The following PAPPA variants were observed in gnomAD, a reference collection of about 807,000 sequenced individuals.
The protein encoded by PAPPA is pappalysin-1.
In PAPPA, 60 loss-of-function variants were observed where a neutral mutation model predicts 164.0. The ratio of observed to expected loss-of-function variants is 0.37; its 90% CI spans 0.30 to 0.45. PAPPA has a LOEUF of 0.45. PAPPA is among the 20% of genes least tolerant of loss of function. PAPPA has a pLI of 1.00. For synonymous variants in PAPPA, 875 were observed against 814.1 expected, an observed-to-expected ratio of 1.07 and a Z score of -1.27; for missense variants, 1,782 against 2,087.3, an observed-to-expected ratio of 0.85 and a Z score of 2.85.
chr9:116,207,682 C>G, intron 3 of PAPPA, 81 bp downstream of exon 3: 1 of 1,080,308 alleles, frequency 9.3e-7, no homozygotes, highest in Middle Eastern at 2.2e-4. Flanking sequence ...TTGTTACGAT[C>G]ATGATGGTGG....
chr9:116,208,372 CTT>C (rs11356029), intron 3 of PAPPA, among the ~76,000 whole-genome samples: 1 of 151,902 alleles, frequency 6.6e-6, no homozygotes, highest in Non-Finnish European at 1.5e-5. Flanking sequence ...ATGCTATCTA[CTT>C]TTTTTTCCAT....
intron 2 of PAPPA, among the ~76,000 whole-genome samples, chr9:116,204,974 CT>C (rs1844214971): frequency 6.6e-6 from 1 of 152,040 alleles, no homozygotes; most frequent in African/African-American, 2.4e-5. Context: ...GATTTTCCCC[CT>C]GATATATTTG....
At chr9:116,365,829 G>A (rs988916155) in intron 18 of PAPPA, among the ~76,000 whole-genome samples, 1 of 151,522 alleles carries the variant, frequency 6.6e-6, no homozygotes, top group African/African-American at 2.4e-5. Flanking sequence ...CTCCTGTTTC[G>A]ATGGCTGCCT....
At chr9:116,241,836 A>G (rs572629149) in intron 7 of PAPPA, among the ~76,000 whole-genome samples, 1 of 152,246 alleles carries the variant, frequency 6.6e-6, no homozygotes, top group African/African-American at 2.4e-5. Flanking sequence ...TGCTGTTTCT[A>G]TGGCTCTTGA....
At chr9:116,171,270 C>T (rs898482957) in intron 1 of PAPPA, among the ~76,000 whole-genome samples, 2 of 152,222 alleles carry the variant, frequency 1.3e-5, no homozygotes, top group Admixed American at 6.5e-5. Flanking sequence ...TGAGCCTTCA[C>T]ATTCTGTGTA....
intron 2 of PAPPA, among the ~76,000 whole-genome samples, chr9:116,202,440 T>C (rs1387753875): frequency 6.6e-6 from 1 of 152,150 alleles, no homozygotes; most frequent in Non-Finnish European, 1.5e-5. Context: ...ACTGCACTCA[T>C]GGCTTTGAAA....
At chr9:116,384,499 A>AT (rs1168473388) in intron 21 of PAPPA, among the ~76,000 whole-genome samples, 1 of 151,874 alleles carries the variant, frequency 6.6e-6, no homozygotes, top group Non-Finnish European at 1.5e-5. Context: ...TCTCAGCTGT[A>AT]TTTTTTGCTG....
chr9:116,174,877 G>A (rs1449383505), intron 1 of PAPPA, among the ~76,000 whole-genome samples: 5 of 152,060 alleles, frequency 3.3e-5, no homozygotes, highest in African/African-American at 9.7e-5. Flanking sequence ...AAAGAAATTT[G>A]CCCAAGATTA....
intron 2 of PAPPA, among the ~76,000 whole-genome samples, chr9:116,197,149 A>G (rs1039396508): frequency 4.6e-5 from 7 of 152,220 alleles, no homozygotes; most frequent in Non-Finnish European, 7.3e-5. Context: ...CTTCATCTGT[A>G]AAATGGGAGG....
At chr9:116,349,447 C>T (rs1224967406) in intron 15 of PAPPA, among the ~76,000 whole-genome samples, 2 of 152,148 alleles carry the variant, frequency 1.3e-5, no homozygotes, top group East Asian at 3.9e-4. Flanking sequence ...CAAGATACAG[C>T]CCTTGCCTTA....
intron 7 of PAPPA, among the ~76,000 whole-genome samples, chr9:116,246,819 A>G (rs1265865467): frequency 6.6e-6 from 1 of 152,198 alleles, no homozygotes; most frequent in East Asian, 1.9e-4. Flanking sequence ...GTTCAAGACC[A>G]GCCTGGACAG....
At chr9:116,242,563 A>G (rs1405078493) in intron 7 of PAPPA, among the ~76,000 whole-genome samples, 1 of 152,250 alleles carries the variant, frequency 6.6e-6, no homozygotes. Flanking sequence ...TAATTTAGCC[A>G]TACCCTTAAT....
chr9:116,269,761 A>AT (rs915658353), intron 8 of PAPPA, among the ~76,000 whole-genome samples: 53 of 152,286 alleles, frequency 3.5e-4, no homozygotes, highest in Middle Eastern at 6.8e-3. Context: ...CAGCCCAGGT[A>AT]TTTTTTTGTT....
chr9:116,257,778 A>G (rs1844948841), intron 7 of PAPPA, among the ~76,000 whole-genome samples: 1 of 152,072 alleles, frequency 6.6e-6, no homozygotes, highest in Non-Finnish European at 1.5e-5. Context: ...GAAACAATAT[A>G]GAAAAATTAC....
intron 1 of PAPPA, among the ~76,000 whole-genome samples, chr9:116,172,934 G>A (rs1843790240): frequency 6.6e-6 from 1 of 152,188 alleles, no homozygotes; most frequent in South Asian, 2.1e-4. Context: ...GCTAATCACT[G>A]AGGATATGAA....
At chr9:116,269,184 G>C (rs946931442) in intron 8 of PAPPA, among the ~76,000 whole-genome samples, 4 of 152,146 alleles carry the variant, frequency 2.6e-5, no homozygotes, top group African/African-American at 9.7e-5. Context: ...CCACCCAACA[G>C]CCATGTGAGA....
In PAPPA at chr9:116,235,215, G is replaced by A. The variant is rs148786397; in HGVS notation, c.2310G>A (p.Thr770=). Reference sequence around the variant, plus strand: ...CAAATTCAGCTGTCAACCCACACACGGTTCCTCCAGCCTGCCCTGAGCCTC... The same window carrying A: ...CAAATTCAGCTGTCAACCCACACACAGTTCCTCCAGCCTGCCCTGAGCCTC... ...WSPNSAVNPH[T]VPPACPEPQG... The change falls in exon 7 of 22, where the codon ACG becomes ACA. Residue 770 remains threonine (T), a synonymous_variant. Transcript: ENST00000328252. 2,993 of 1,614,088 alleles carry A rather than the reference G, an allele frequency of 1.9e-3. 7 individuals are homozygous for A. Among genetic ancestry groups the A allele is most frequent in the Non-Finnish European group, 2.3e-3 (2,697 of 1,180,002 alleles).
chr9:116,299,251 T>C (rs140731063), intron 9 of PAPPA, among the ~76,000 whole-genome samples: 8 of 152,322 alleles, frequency 5.3e-5, no homozygotes, highest in Middle Eastern at 3.4e-3. Context: ...CTCTCTCCCT[T>C]GCTTTCTTTT....
At chr9:116,321,806 A>G (rs1339172421) in intron 10 of PAPPA, among the ~76,000 whole-genome samples, 1 of 152,212 alleles carries the variant, frequency 6.6e-6, no homozygotes, top group Non-Finnish European at 1.5e-5. Flanking sequence ...GATGAAAAGG[A>G]AAGAGAAGTC....
Sources: allele counts gnomAD v4.1 joint callset (sites outside exome capture counted in the v4.1 genomes callset), GRCh38; gene constraint gnomAD v4.1.1; transcripts MANE v1.5; gene names NCBI Gene and HGNC (gene_info 2026-07-23, HGNC 2026-07-21).